CSGALNACT1: variants seen among roughly 807,000 people sequenced by gnomAD.
The protein encoded by CSGALNACT1 is beta4GalNAcT-1.
In CSGALNACT1, 52 loss-of-function variants were observed where a neutral mutation model predicts 51.0. The ratio of observed to expected loss-of-function variants is 1.02; its 90% CI spans 0.82 to 1.29. CSGALNACT1 has a LOEUF of 1.29. Ranked by LOEUF, CSGALNACT1 falls within the 50% of genes most tolerant of loss-of-function variation. The pLI is 0.00. For missense variants in CSGALNACT1, 935 were observed against 679.2 expected, an observed-to-expected ratio of 1.38 and a Z score of -4.19; for synonymous variants, 341 against 254.4, an observed-to-expected ratio of 1.34 and a Z score of -3.24.
intron 1 of CSGALNACT1, among the ~76,000 whole-genome samples, chr8:19,702,193 C>A (rs1564447402): frequency 1.3e-5 from 2 of 152,272 alleles, no homozygotes; most frequent in East Asian, 3.9e-4. Context: ...CTCTGAGCCC[C>A]TCACAGCCCT....
At chr8:19,530,732 T>A (rs906092484) in intron 3 of CSGALNACT1, among the ~76,000 whole-genome samples, 1 of 151,972 alleles carries the variant, frequency 6.6e-6, no homozygotes, top group African/African-American at 2.4e-5. Flanking sequence ...CCTTATCTCA[T>A]AAAGGAATAG....
chr8:19,405,883 A>G (rs1218747209), exon 10 of CSGALNACT1: 35 of 1,613,954 alleles, frequency 2.2e-5, no homozygotes, highest in African/African-American at 4.0e-5. Flanking sequence ...TGCCTCGTTC[A>G]TGGCCTTGGA....
intron 3 of CSGALNACT1, chr8:19,585,328 A>T (rs1386511764): frequency 2.0e-5 from 3 of 152,220 alleles, no homozygotes; most frequent in Admixed American, 1.3e-4. Context: ...CTTCTGTGGC[A>T]AGGTGAGTGA....
At chr8:19,624,026 A>G (rs914115702) in intron 1 of CSGALNACT1, among the ~76,000 whole-genome samples, 12 of 152,218 alleles carry the variant, frequency 7.9e-5, no homozygotes, top group Admixed American at 7.8e-4. Flanking sequence ...AGAATCTTCT[A>G]TTTTATAATG....
At chr8:19,615,653 T>C (rs2052900041) in intron 1 of CSGALNACT1, among the ~76,000 whole-genome samples, 1 of 152,176 alleles carries the variant, frequency 6.6e-6, no homozygotes, top group Non-Finnish European at 1.5e-5. Flanking sequence ...CATGAATAGG[T>C]TAAACATCCC....
chr8:19,458,456 T>C (rs2064614558), exon 5 of CSGALNACT1: 4 of 1,614,094 alleles, frequency 2.5e-6, no homozygotes, highest in Non-Finnish European at 3.4e-6. Context: ...CCGGAACTTG[T>C]CCACCCTTTT....
chr8:19,531,076 C>T (rs1025775267), intron 3 of CSGALNACT1, among the ~76,000 whole-genome samples: 3 of 152,186 alleles, frequency 2.0e-5, no homozygotes, highest in African/African-American at 7.2e-5. Context: ...TTTCCTATTA[C>T]ATGAAAACAT....
chr8:19,568,411 T>G (rs6996750), intron 3 of CSGALNACT1, among the ~76,000 whole-genome samples: 1 of 152,106 alleles, frequency 6.6e-6, no homozygotes, highest in African/African-American at 2.4e-5. Context: ...TATATGTGAT[T>G]CATCATTGAC....
At position 19,613,116 on chromosome 8, in the gene CSGALNACT1, A is replaced by G. The variant is rs114020916; in HGVS notation, c.-543-11251T>C. Among the ~76,000 whole-genome samples the G allele has an allele frequency of 6.7e-3, 1,019 of 152,232 alleles. 10 individuals are homozygous for G. The highest frequency in any genetic ancestry group is 0.023 in the African/African-American group (951 of 41,530). On this transcript the variant is annotated intron_variant, in intron 1 of 9. Transcript: ENST00000332246. ...CTCATGTGTGATAACTACTTTCACA[A>G]TACATTGGTGAGACAAAACTCTTAA...
intron 5 of CSGALNACT1, among the ~76,000 whole-genome samples, chr8:19,454,207 C>T (rs1292095145): frequency 6.6e-6 from 1 of 152,160 alleles, no homozygotes; most frequent in Non-Finnish European, 1.5e-5. Flanking sequence ...ACACTTGCGA[C>T]GTTTCTTGAA....
intron 2 of CSGALNACT1, among the ~76,000 whole-genome samples, chr8:19,593,328 A>T (rs2048227479): frequency 6.6e-6 from 1 of 152,230 alleles, no homozygotes; most frequent in Admixed American, 6.5e-5. Flanking sequence ...AACTTAAATG[A>T]ACAAGATATA....
intron 8 of CSGALNACT1, among the ~76,000 whole-genome samples, chr8:19,416,109 CTTTTTTTTTTTT>C (rs34491658): frequency 1.7e-5 from 2 of 116,716 alleles, no homozygotes; most frequent in African/African-American, 6.1e-5. Context: ...GAAATGAAAA[CTTTTTTTTTTTT>C]TTTTTTTTTC....
intron 1 of CSGALNACT1, among the ~76,000 whole-genome samples, chr8:19,677,158 G>A (rs1428738207): frequency 6.6e-6 from 1 of 151,990 alleles, no homozygotes. Flanking sequence ...ACCCAGGATG[G>A]AATACAGTCT....
At chr8:19,571,456 C>CAAAACA (rs1204974408) in intron 3 of CSGALNACT1, among the ~76,000 whole-genome samples, 3 of 131,194 alleles carry the variant, frequency 2.3e-5, no homozygotes, top group South Asian at 2.4e-4. Context: ...AGCCCCCCAC[C>CAAAACA]AAAACAAAAA....
At chr8:19,464,283 G>C (rs1178027609) in intron 4 of CSGALNACT1, among the ~76,000 whole-genome samples, 1 of 152,130 alleles carries the variant, frequency 6.6e-6, no homozygotes, top group Non-Finnish European at 1.5e-5. Context: ...CTGGGGCCCA[G>C]TCGGTCCCAC....
chr8:19,534,761 A>G (rs961486094), intron 3 of CSGALNACT1, among the ~76,000 whole-genome samples: 1 of 152,242 alleles, frequency 6.6e-6, no homozygotes, highest in African/African-American at 2.4e-5. Flanking sequence ...AAAGAGGCGT[A>G]AAAATGCCTA....
At chr8:19,726,530 T>G (rs1384960715) in intron 1 of CSGALNACT1, among the ~76,000 whole-genome samples, 2 of 152,222 alleles carry the variant, frequency 1.3e-5, no homozygotes, top group African/African-American at 4.8e-5. Context: ...GTAAAATGGT[T>G]AAGTCAAGCT....
chr8:19,532,447 A>G (rs1337503462), intron 3 of CSGALNACT1, among the ~76,000 whole-genome samples: 1 of 152,112 alleles, frequency 6.6e-6, no homozygotes, highest in African/African-American at 2.4e-5. Flanking sequence ...TCTCTTTTCT[A>G]TTCCCTTAAA....
At chr8:19,435,223 G>A (rs999348685) in intron 6 of CSGALNACT1, among the ~76,000 whole-genome samples, 4 of 152,156 alleles carry the variant, frequency 2.6e-5, no homozygotes, top group Non-Finnish European at 2.9e-5. Flanking sequence ...GGCCAGGCGC[G>A]GTTGCTCACG....
Sources: allele counts gnomAD v4.1 joint callset (sites outside exome capture counted in the v4.1 genomes callset), GRCh38; gene constraint gnomAD v4.1.1; transcripts MANE v1.5; gene names NCBI Gene and HGNC (gene_info 2026-07-23, HGNC 2026-07-21).